Variants in ANKRD36 observed in about 807,000 individuals in gnomAD.
ANKRD36 encodes ankyrin repeat domain-containing protein 36A.
ANKRD36 carries 179 observed loss-of-function variants against 278.1 expected under a neutral mutation model. The ratio of observed to expected loss-of-function variants is 0.64; its 90% CI spans 0.57 to 0.73. ANKRD36 has a LOEUF of 0.73. ANKRD36 is among the 30% of genes least tolerant of loss of function. The pLI, the probability that ANKRD36 is intolerant of heterozygous loss-of-function variation, is 0.00. For missense variants in ANKRD36, 1,159 were observed against 1,956.7 expected (o/e 0.59, Z 7.69); for synonymous variants, 320 against 641.1 (o/e 0.50, Z 7.57).
At chr2:97,169,237 A>T (rs2051640059) in intron 22 of ANKRD36, among the ~76,000 whole-genome samples, 1 of 152,222 alleles carries the variant, frequency 6.6e-6, no homozygotes, top group African/African-American at 2.4e-5. Flanking sequence ...TCATGTGTTT[A>T]CTGGCTGAAT....
chr2:97,128,874 A>C (rs1199831730), intron 6 of ANKRD36, among the ~76,000 whole-genome samples: 2 of 152,268 alleles, frequency 1.3e-5, no homozygotes, highest in Non-Finnish European at 2.9e-5. Context: ...TCCAACATGG[A>C]ATCATAACAC....
At chr2:97,190,904 A>C in intron 34 of ANKRD36, 74 bp from the exon 35 acceptor site, 5 of 1,572,260 alleles carry the variant, frequency 3.2e-6, no homozygotes, top group Non-Finnish European at 4.3e-6. Context: ...GCTGGATGCT[A>C]ACACTGTGTG....
intron 5 of ANKRD36, among the ~76,000 whole-genome samples, chr2:97,124,906 G>T (rs576235465): frequency 6.6e-6 from 1 of 151,822 alleles, no homozygotes; most frequent in African/African-American, 2.4e-5. Context: ...CCTATGCATA[G>T]GGTAAAGTAG....
In ANKRD36 at chr2:97,198,607, T is replaced by G. The variant is rs1575712061; in HGVS notation, c.2704T>G (p.Ser902Ala). The change falls in exon 44 of 76, where the codon TCT (serine) becomes GCT (alanine). Residue 902 changes from serine (S) to alanine (A), a missense_variant. By Grantham distance (99) the Ser-to-Ala change is moderately conservative (BLOSUM62 1). Transcript: ENST00000420699. Reference protein sequence around the residue: ...GLKASSAEKDSVLNIARGKKD... With the variant: ...GLKASSAEKDAVLNIARGKKD... Reference sequence around the variant, plus strand: ...TCAGGCTTCAAGTGCCGAGAAAGATTCTGTTTTGAATATAGCCAGAGGAAA... The same window carrying G: ...TCAGGCTTCAAGTGCCGAGAAAGATGCTGTTTTGAATATAGCCAGAGGAAA... The G allele has an allele frequency of 3.9e-6, 6 of 1,545,862 alleles. No individual in the cohort carries two copies. In the East Asian group the frequency reaches 1.5e-4, roughly 38 times the overall value.
intron 28 of ANKRD36, 144 bp from the exon 29 acceptor site, chr2:97,185,172 T>C: frequency 8.6e-7 from 1 of 1,156,514 alleles, no homozygotes; most frequent in Non-Finnish European, 1.2e-6. Flanking sequence ...GTATTTCTGG[T>C]CATGTTCCAG....
At chr2:97,220,761 C>CTTTTTTTTTTTTTTTTTTT (rs60699692) in intron 66 of ANKRD36, among the ~76,000 whole-genome samples, 1 of 70,604 alleles carries the variant, frequency 1.4e-5, no homozygotes, top group African/African-American at 7.1e-5. Context: ...TTTTAATTTT[C>CTTTTTTTTTTTTTTTTTTT]TTTTTTTTTT....
At chr2:97,135,391 A>G (rs993420108) in intron 6 of ANKRD36, among the ~76,000 whole-genome samples, 1 of 152,030 alleles carries the variant, frequency 6.6e-6, no homozygotes, top group Non-Finnish European at 1.5e-5. Context: ...TAAGAGATTA[A>G]TAATATCTAA....
At chr2:97,166,129 A>G (rs1187865682) in intron 20 of ANKRD36, among the ~76,000 whole-genome samples, 1 of 151,996 alleles carries the variant, frequency 6.6e-6, no homozygotes, top group African/African-American at 2.4e-5. Flanking sequence ...AAGTTTGTGT[A>G]CATAAAAGTG....
At chr2:97,242,893 T>TA (rs2074737689) in intron 69 of ANKRD36, among the ~76,000 whole-genome samples, 1 of 118,020 alleles carries the variant, frequency 8.5e-6, no homozygotes, top group Admixed American at 1.0e-4. Flanking sequence ...AATAGAAACT[T>TA]ATGCAGGATG....
At chr2:97,137,816 G>T (rs1305224779) in intron 6 of ANKRD36, among the ~76,000 whole-genome samples, 5 of 152,030 alleles carry the variant, frequency 3.3e-5, no homozygotes, top group Admixed American at 3.3e-4. Context: ...GCGCGAGATG[G>T]TATCTCATTG....
intron 67 of ANKRD36, among the ~76,000 whole-genome samples, chr2:97,229,206 C>T (rs2071029040): frequency 1.3e-5 from 2 of 151,598 alleles, no homozygotes; most frequent in African/African-American, 4.8e-5. Context: ...AACTTTCTGT[C>T]TCATTGATCT....
chr2:97,144,252 G>T (rs367624286), intron 8 of ANKRD36, among the ~76,000 whole-genome samples: 30 of 152,312 alleles, frequency 2.0e-4, no homozygotes, highest in Admixed American at 5.9e-4. Flanking sequence ...TATCCACATT[G>T]ATATAGACAC....
chr2:97,163,022 C>G (rs1370892616), intron 18 of ANKRD36, among the ~76,000 whole-genome samples: 2 of 152,172 alleles, frequency 1.3e-5, no homozygotes, highest in Non-Finnish European at 2.9e-5. Flanking sequence ...AATCCCAGCA[C>G]TTTGGGAGGC....
intron 6 of ANKRD36, among the ~76,000 whole-genome samples, chr2:97,136,485 T>C: frequency 6.6e-6 from 1 of 151,778 alleles, no homozygotes; most frequent in East Asian, 1.9e-4. Flanking sequence ...GGAAGTTGAT[T>C]AGAAGTTCTG....
Position 97,179,249 on chromosome 2 carries a change from C to G in ANKRD36, c.1634-489C>G, listed in dbSNP as rs192837431. Among the ~76,000 whole-genome samples, 1,504 of 151,578 alleles carry G rather than the reference C, an allele frequency of 9.9e-3. 25 individuals carry two copies. The highest frequency in any genetic ancestry group is 0.062 in the East Asian group (318 of 5,132). On this transcript the variant is annotated intron_variant, in intron 22 of 75. Transcript: ENST00000420699. ...GACACTTCCACTGAAGAGATTTCAA[C>G]TAAAGTGTCATTATAATTGTGTACC... is the stretch of plus-strand genomic sequence containing the variant.
At chr2:97,166,881 AT>A (rs775914564) in intron 20 of ANKRD36, among the ~76,000 whole-genome samples, 1 of 106,892 alleles carries the variant, frequency 9.4e-6, no homozygotes. Context: ...TTATTTATTT[AT>A]TTTATTATTA....
chr2:97,145,533 A>G (rs1187439911), intron 10 of ANKRD36, among the ~76,000 whole-genome samples: 1 of 152,090 alleles, frequency 6.6e-6, no homozygotes, highest in Non-Finnish European at 1.5e-5. Context: ...GATCCTTCAA[A>G]CCAGACTATT....
chr2:97,179,009 T>G (rs957422966), intron 22 of ANKRD36, among the ~76,000 whole-genome samples: 23 of 151,604 alleles, frequency 1.5e-4, no homozygotes, highest in African/African-American at 5.6e-4. Context: ...AGAAACTTTA[T>G]TTTGTATAAG....
Position 97,151,229 on chromosome 2 carries a change from A to G in ANKRD36, c.1102-650A>G, listed in dbSNP as rs909891728. On this transcript the variant is annotated intron_variant, in intron 12 of 75. Transcript: ENST00000420699. ...ATTCTTTCATTTCACTTCTGTTTCTATTGTCAGGATACTTAGTTACAGCTT... is the reference window on the plus strand; with the variant it reads ...ATTCTTTCATTTCACTTCTGTTTCTGTTGTCAGGATACTTAGTTACAGCTT... Among the ~76,000 whole-genome samples the G allele has an allele frequency of 1.1e-3, 166 of 151,536 alleles. 2 individuals carry two copies. Among genetic ancestry groups the G allele is most frequent in the Admixed American group, 4.0e-3 (60 of 15,178 alleles).
Sources: allele counts gnomAD v4.1 joint callset (sites outside exome capture counted in the v4.1 genomes callset), GRCh38; gene constraint gnomAD v4.1.1; transcripts MANE v1.5; gene names NCBI Gene and HGNC (gene_info 2026-07-23, HGNC 2026-07-21).